Variants in GMDS observed in about 807,000 individuals in gnomAD.
GMDS encodes GDP-mannose 4,6 dehydratase.
In GMDS, 20 loss-of-function variants were observed where a neutral mutation model predicts 49.9. The ratio of observed to expected loss-of-function variants is 0.40; its 90% CI spans 0.28 to 0.58. GMDS has a LOEUF of 0.58. Ranked by LOEUF, GMDS falls within the 20% of genes least tolerant of loss-of-function variation. The pLI is 0.42. For missense variants in GMDS, 362 were observed against 481.4 expected, an observed-to-expected ratio of 0.75 and a Z score of 2.32; for synonymous variants, 177 against 178.6, an observed-to-expected ratio of 0.99 and a Z score of 0.07.
chr6:1,929,952 C>T (rs1762211585), intron 7 of GMDS, 151 bp downstream of exon 7: 1 of 649,318 alleles, frequency 1.5e-6, no homozygotes, highest in African/African-American at 1.8e-5. Context: ...CGACTGATCC[C>T]TGAAGTGAAA....
chr6:1,915,449 C>T (rs2113889051), intron 7 of GMDS, among the ~76,000 whole-genome samples: 1 of 152,330 alleles, frequency 6.6e-6, no homozygotes, highest in East Asian at 1.9e-4. Context: ...CAGGGGCAGC[C>T]CAGGGCCGGC....
At chr6:1,961,258 C>T (rs749466467) in intron 4 of GMDS, among the ~76,000 whole-genome samples, 1 of 152,124 alleles carries the variant, frequency 6.6e-6, no homozygotes, top group Non-Finnish European at 1.5e-5. Flanking sequence ...AGGGCAAACC[C>T]TATTCCTCAG....
chr6:1,976,150 T>G (rs939834877), intron 4 of GMDS, among the ~76,000 whole-genome samples: 6 of 152,192 alleles, frequency 3.9e-5, no homozygotes, highest in African/African-American at 1.4e-4. Flanking sequence ...ATAGAGATCA[T>G]AGATCAGCCC....
At chr6:1,761,242 C>A (rs1581151045) in intron 7 of GMDS, among the ~76,000 whole-genome samples, 2 of 152,138 alleles carry the variant, frequency 1.3e-5, no homozygotes, top group Admixed American at 1.3e-4. Flanking sequence ...AAAATTAAGT[C>A]TACTTAATTC....
intron 7 of GMDS, among the ~76,000 whole-genome samples, chr6:1,784,156 T>C (rs1423134440): frequency 6.6e-6 from 1 of 152,032 alleles, no homozygotes; most frequent in Non-Finnish European, 1.5e-5. Flanking sequence ...TATAATAATA[T>C]GGGACAGAGA....
rs894383531 is a variant in GMDS, at chr6:2,031,815, C to G, written c.346-70849G>C. Among the ~76,000 whole-genome samples the G allele has an allele frequency of 1.4e-4, 22 of 152,278 alleles. 1 individual carries two copies. The highest frequency in any genetic ancestry group is 3.4e-3 in the Middle Eastern group (1 of 294). ...GCCTAAATGTTTCCTGTACTTTCTT[C>G]TGATTTCTAAATGCTAACAACTAAG... On this transcript the variant is annotated intron_variant, in intron 4 of 10. Coordinates refer to ENST00000380815, the MANE Select transcript of GMDS (RefSeq NM_001500.4).
intron 7 of GMDS, among the ~76,000 whole-genome samples, chr6:1,764,195 C>T (rs1768264164): frequency 6.6e-6 from 1 of 152,048 alleles, no homozygotes; most frequent in Admixed American, 6.5e-5. Flanking sequence ...TACATTCATA[C>T]AAGATGGGAG....
intron 9 of GMDS, among the ~76,000 whole-genome samples, chr6:1,691,852 T>C (rs564421036): frequency 6.6e-6 from 1 of 152,334 alleles, no homozygotes; most frequent in South Asian, 2.1e-4. Context: ...AGTGCAGTTT[T>C]TTTCATGTTT....
At chr6:1,841,554 T>C (rs903988948) in intron 7 of GMDS, among the ~76,000 whole-genome samples, 1 of 152,224 alleles carries the variant, frequency 6.6e-6, no homozygotes, top group African/African-American at 2.4e-5. Context: ...ATAAGCATAA[T>C]TGTTTATTTA....
intron 9 of GMDS, among the ~76,000 whole-genome samples, chr6:1,699,163 C>T (rs770771903): frequency 6.6e-6 from 1 of 152,098 alleles, no homozygotes; most frequent in South Asian, 2.1e-4. Context: ...TTCTGTCCCC[C>T]ATGGAGGCAT....
chr6:1,852,840 G>T lies in GMDS; in HGVS notation c.771+77263C>A, dbSNP rs533948622. 5.9e-5 allele frequency among the ~76,000 whole-genome samples: 9 copies of T among 151,980 alleles called. 1 individual carries two copies. The South Asian group carries it at 1.9e-3, about 32-fold the overall frequency. ...TCCTGCCTCAGCCTCCTGAGTAGCT[G>T]GGATTTCAGGCATGCGCCACCACGC... On this transcript the variant is annotated intron_variant, in intron 7 of 10. Coordinates refer to ENST00000380815, the MANE Select transcript of GMDS (RefSeq NM_001500.4).
At chr6:1,709,156 C>T (rs1264817665) in intron 9 of GMDS, among the ~76,000 whole-genome samples, 2 of 152,160 alleles carry the variant, frequency 1.3e-5, no homozygotes, top group Non-Finnish European at 2.9e-5. Flanking sequence ...GCAGATACAC[C>T]CACTGCAGCA....
chr6:2,139,981 G>A lies in GMDS; in HGVS notation c.103-15250C>T, dbSNP rs564676528. On this transcript the variant is annotated intron_variant, in intron 1 of 10. Coordinates refer to ENST00000380815, the MANE Select transcript of GMDS (RefSeq NM_001500.4). Reference sequence around the variant, plus strand: ...CAGGAGGAGTAGGTGTGCGAAGCGCGAGCAAAGTGTGTTTAGCCATGAACA... The same window carrying A: ...CAGGAGGAGTAGGTGTGCGAAGCGCAAGCAAAGTGTGTTTAGCCATGAACA... Among the ~76,000 whole-genome samples, 3 of 152,298 alleles carry A rather than the reference G, an allele frequency of 2.0e-5. 1 individual carries two copies. The highest frequency in any genetic ancestry group is 3.4e-3 in the Middle Eastern group (1 of 294).
intron 1 of GMDS, among the ~76,000 whole-genome samples, chr6:2,222,444 G>A (rs925791408): frequency 4.6e-5 from 7 of 152,076 alleles, no homozygotes; most frequent in African/African-American, 1.7e-4. Context: ...CCATTCATTC[G>A]GTGCCTCATT....
At chr6:1,977,938 A>G (rs1025258956) in intron 4 of GMDS, among the ~76,000 whole-genome samples, 2 of 152,118 alleles carry the variant, frequency 1.3e-5, no homozygotes, top group African/African-American at 2.4e-5. Flanking sequence ...GTCTGCACAT[A>G]CCCTAGGAAA....
intron 1 of GMDS, among the ~76,000 whole-genome samples, chr6:2,189,879 C>T (rs1430050909): frequency 3.9e-5 from 6 of 151,904 alleles, no homozygotes; most frequent in African/African-American, 1.2e-4. Flanking sequence ...ACCAAGATAA[C>T]TCATGACTCC....
At chr6:1,645,996 G>T (rs370639176) in intron 9 of GMDS, among the ~76,000 whole-genome samples, 1 of 152,164 alleles carries the variant, frequency 6.6e-6, no homozygotes, top group Admixed American at 6.5e-5. Flanking sequence ...TGCCTGGCAC[G>T]CAGAGGCACT....
At chr6:1,631,195 C>T (rs1019436963) in intron 9 of GMDS, among the ~76,000 whole-genome samples, 1 of 152,162 alleles carries the variant, frequency 6.6e-6, no homozygotes, top group Non-Finnish European at 1.5e-5. Flanking sequence ...ACCCTCAAAG[C>T]GCTTTATAGA....
At chr6:1,737,896 CACAT>C (rs1375168035) in intron 8 of GMDS, among the ~76,000 whole-genome samples, 2 of 146,352 alleles carry the variant, frequency 1.4e-5, no homozygotes, top group Non-Finnish European at 3.0e-5. Context: ...CAACCCCACA[CACAT>C]ACACACCACA....
Sources: allele counts gnomAD v4.1 joint callset (sites outside exome capture counted in the v4.1 genomes callset), GRCh38; gene constraint gnomAD v4.1.1; transcripts MANE v1.5; gene names NCBI Gene and HGNC (gene_info 2026-07-23, HGNC 2026-07-21).